The following SCOC variants were observed in gnomAD, a reference collection of about 807,000 sequenced individuals.
SCOC encodes short coiled-coil protein.
Under a neutral mutation model 9.9 loss-of-function variants are expected in SCOC, and 7 were observed. The ratio of observed to expected loss-of-function variants is 0.71; its 90% CI spans 0.40 to 1.33. The LOEUF is 1.33. Ranked by LOEUF, SCOC falls within the 40% of genes most tolerant of loss-of-function variation. SCOC has a pLI of 0.01. For synonymous variants in SCOC, 19 were observed against 28.2 expected (o/e 0.67, Z 1.03); for missense variants, 66 against 89.7 (o/e 0.74, Z 1.07).
At chr4:140,360,096 T>C (rs971650463) in intron 2 of SCOC, among the ~76,000 whole-genome samples, 3 of 152,180 alleles carry the variant, frequency 2.0e-5, no homozygotes, top group African/African-American at 7.2e-5. Flanking sequence ...AGTTCTGTGA[T>C]TTCGTGAAAT....
chr4:140,273,488 C>A (rs1480357880), intron 1 of SCOC, among the ~76,000 whole-genome samples: 2 of 149,380 alleles, frequency 1.3e-5, no homozygotes, highest in Non-Finnish European at 3.0e-5. Context: ...TCTCCTTTTG[C>A]TTTGGACCAG....
chr4:140,327,445 A>G (rs1367294864), intron 1 of SCOC, among the ~76,000 whole-genome samples: 7 of 152,314 alleles, frequency 4.6e-5, no homozygotes, highest in African/African-American at 1.7e-4. Flanking sequence ...ACTGAAAAAA[A>G]AAATCACTTA....
Position 140,355,211 on chromosome 4 carries a change from T to TTATATA in SCOC, c.70+11536_70+11541dup, listed in dbSNP as rs34322076. 6.4e-3 allele frequency among the ~76,000 whole-genome samples: 395 copies of TTATATA among 61,264 alleles called. 1 individual carries two copies. The highest frequency in any genetic ancestry group is 0.012 in the South Asian group (34 of 2,796). The allele number at this position is 61,264 out of a possible 152,430, so 40.2% of individuals were successfully genotyped here. On this transcript the variant is annotated intron_variant, in intron 2 of 4. Coordinates refer to the SCOC transcript ENST00000338517. ...ACTTCTCAGCCTATACATTATATTT[T>TTATATA]TATATATATATATATATATATATAT...
upstream of SCOC, among the ~76,000 whole-genome samples, chr4:140,369,734 G>C (rs982709347): frequency 2.0e-5 from 3 of 151,764 alleles, no homozygotes; most frequent in East Asian, 5.8e-4. Context: ...TTATTTAGAT[G>C]AACTATATTA....
At chr4:140,314,990 A>G (rs1391452877) in intron 1 of SCOC, among the ~76,000 whole-genome samples, 2 of 152,200 alleles carry the variant, frequency 1.3e-5, no homozygotes, top group Non-Finnish European at 2.9e-5. Flanking sequence ...CTTGAACCCA[A>G]AAGAATCTAA....
chr4:140,379,510 T>C (rs1578888845), intron 2 of SCOC, 59 bp from the exon 3 acceptor site: 7 of 1,231,156 alleles, frequency 5.7e-6, no homozygotes, highest in South Asian at 1.3e-5. Flanking sequence ...TTTTAAGTGC[T>C]ACCCTACACA....
chr4:140,260,765 G>A (rs565899738), intron 1 of SCOC, among the ~76,000 whole-genome samples: 5 of 152,296 alleles, frequency 3.3e-5, no homozygotes, highest in East Asian at 1.9e-4. Flanking sequence ...TTCTATTTAT[G>A]TGTAATATAT....
At chr4:140,329,955 A>T (rs1248815051) in intron 1 of SCOC, among the ~76,000 whole-genome samples, 1 of 152,212 alleles carries the variant, frequency 6.6e-6, no homozygotes, top group Non-Finnish European at 1.5e-5. Flanking sequence ...ACTACTACGT[A>T]TCTACCCAGA....
chr4:140,342,814 G>C (rs1323568923), upstream of SCOC, among the ~76,000 whole-genome samples: 1 of 152,108 alleles, frequency 6.6e-6, no homozygotes, highest in Non-Finnish European at 1.5e-5. Flanking sequence ...TCAAACAAAG[G>C]GTCCCTGCCT....
At chr4:140,301,017 C>A (rs992795161) in intron 1 of SCOC, among the ~76,000 whole-genome samples, 2 of 152,084 alleles carry the variant, frequency 1.3e-5, no homozygotes, top group Non-Finnish European at 2.9e-5. Context: ...AAAGAAGGGA[C>A]CTTTGCCTCA....
At chr4:140,279,075 A>G (rs1731046664) in intron 1 of SCOC, among the ~76,000 whole-genome samples, 1 of 152,122 alleles carries the variant, frequency 6.6e-6, no homozygotes, top group South Asian at 2.1e-4. Context: ...CACTTCACCC[A>G]GCCTCATCTA....
rs1444508962 is a variant in SCOC at position 140,381,668 on chromosome 4, T to C, written c.*564T>C. On this transcript the variant is annotated 3_prime_UTR_variant, in exon 4 of 4. Transcript: ENST00000608372. ...AAGATACTGTCTCAGCTAGGGCTTG[T>C]CATTTGTGTATTTAGTGTTAAGATA... 1 of 152,228 alleles carries C rather than the reference T, an allele frequency of 6.6e-6. No homozygotes were observed. The highest frequency in any genetic ancestry group is 2.4e-5 in the African/African-American group (1 of 41,470). 9.4% of individuals were successfully genotyped at this position (152,228 alleles called of 1,614,324 possible).
intron 1 of SCOC, among the ~76,000 whole-genome samples, chr4:140,300,277 C>G (rs1731775136): frequency 6.6e-6 from 1 of 152,194 alleles, no homozygotes; most frequent in African/African-American, 2.4e-5. Flanking sequence ...GCGCTTCCCT[C>G]TGGCCTCCCT....
intron 2 of SCOC, among the ~76,000 whole-genome samples, chr4:140,353,339 G>A (rs1259368614): frequency 6.6e-6 from 1 of 151,992 alleles, no homozygotes. Context: ...CAAAGTTATT[G>A]TAAAAACTGC....
chr4:140,361,660 A>G (rs1247034664), intron 2 of SCOC, among the ~76,000 whole-genome samples: 1 of 152,126 alleles, frequency 6.6e-6, no homozygotes, highest in East Asian at 1.9e-4. Flanking sequence ...TCCTCTCTCT[A>G]AATAAATAAA....
intron 1 of SCOC, among the ~76,000 whole-genome samples, chr4:140,329,956 T>C (rs1197104158): frequency 6.6e-6 from 1 of 152,182 alleles, no homozygotes; most frequent in Non-Finnish European, 1.5e-5. Flanking sequence ...CTACTACGTA[T>C]CTACCCAGAG....
At chr4:140,280,514 CT>C (rs1385728712) in intron 1 of SCOC, among the ~76,000 whole-genome samples, 1 of 152,112 alleles carries the variant, frequency 6.6e-6, no homozygotes, top group East Asian at 1.9e-4. Flanking sequence ...TCTCTTTATG[CT>C]TCTCTCTCCC....
At chr4:140,338,715 T>C (rs1726375049), upstream of SCOC, among the ~76,000 whole-genome samples, 1 of 152,140 alleles carries the variant, frequency 6.6e-6, no homozygotes, top group Admixed American at 6.5e-5. Flanking sequence ...TCAAAGAGAA[T>C]AAAATACCTA....
intron 1 of SCOC, among the ~76,000 whole-genome samples, chr4:140,265,716 G>A (rs549793883): frequency 4.6e-5 from 7 of 152,146 alleles, no homozygotes; most frequent in Admixed American, 1.3e-4. Flanking sequence ...TATAGTTCAC[G>A]ATGTACAGAG....
Sources: allele counts gnomAD v4.1 joint callset (sites outside exome capture counted in the v4.1 genomes callset), GRCh38; gene constraint gnomAD v4.1.1; transcripts MANE v1.5; gene names NCBI Gene and HGNC (gene_info 2026-07-23, HGNC 2026-07-21).